Variants in PSD3 observed in about 807,000 individuals in gnomAD.
The protein encoded by PSD3 is PH and SEC7 domain-containing protein 3.
PSD3 carries 49 observed loss-of-function variants against 105.5 expected under a neutral mutation model. That is an observed-to-expected ratio of 0.46 (90% CI 0.37 to 0.59). The LOEUF (loss-of-function observed/expected upper bound fraction) is 0.59. Among genes scored for constraint, PSD3 ranks in the 20% least tolerant of loss-of-function variants. The pLI is 0.00. For missense variants in PSD3, 1,561 were observed against 1,263.8 expected (o/e 1.24, Z -3.57); for synonymous variants, 557 against 457.8 (o/e 1.22, Z -2.77).
chr8:18,778,495 G>A (rs1808302946), intron 8 of PSD3, among the ~76,000 whole-genome samples: 1 of 152,042 alleles, frequency 6.6e-6, no homozygotes, highest in Admixed American at 6.5e-5. Flanking sequence ...GTACTATATT[G>A]AATATGAGTG....
rs538361754 is a variant in PSD3 at position 18,642,226 on chromosome 8, G to A, written c.2217-9420C>T. On this transcript the variant is annotated intron_variant, in intron 10 of 15. Coordinates refer to ENST00000327040, the MANE Select transcript of PSD3 (RefSeq NM_015310.4). ...GTTTCTGAAAATACACTGGGGTCAAGCCACATGTTAGGTATTCCCAAAAGA... is the reference window on the plus strand; with the variant it reads ...GTTTCTGAAAATACACTGGGGTCAAACCACATGTTAGGTATTCCCAAAAGA... 2.0e-5 allele frequency among the ~76,000 whole-genome samples: 3 copies of A among 152,220 alleles called. No individual in the cohort carries two copies. The South Asian group carries it at 6.2e-4, about 32-fold the overall frequency.
At chr8:18,771,232 T>C (rs1440062984) in intron 8 of PSD3, among the ~76,000 whole-genome samples, 1 of 152,144 alleles carries the variant, frequency 6.6e-6, no homozygotes. Flanking sequence ...GGGATGTAAG[T>C]TCTCACTTTG....
At chr8:19,003,572 A>C (rs562383744) in intron 1 of PSD3, among the ~76,000 whole-genome samples, 1 of 152,074 alleles carries the variant, frequency 6.6e-6, no homozygotes, top group Non-Finnish European at 1.5e-5. Flanking sequence ...GATCTGTGTG[A>C]CTATGGGAGG....
intron 9 of PSD3, among the ~76,000 whole-genome samples, chr8:18,750,693 T>C (rs913435511): frequency 2.0e-5 from 3 of 152,016 alleles, no homozygotes; most frequent in Non-Finnish European, 2.9e-5. Context: ...GGGCGCTGAG[T>C]GGTGCGTTTA....
At position 18,634,199 on chromosome 8, in the gene PSD3, T is replaced by A. The variant is rs566423920; in HGVS notation, c.2217-1393A>T. ...TAACAGTTTGCAAATAACCACAATATATTTTAAATATATCACAAAACCAGA... is the reference window on the plus strand; with the variant it reads ...TAACAGTTTGCAAATAACCACAATAAATTTTAAATATATCACAAAACCAGA... On this transcript the variant is annotated intron_variant, in intron 10 of 15. Transcript: ENST00000327040. 2.4e-4 allele frequency among the ~76,000 whole-genome samples: 36 copies of A among 152,230 alleles called. No homozygotes were observed. The East Asian group carries it at 5.6e-3, about 24-fold the overall frequency.
intron 9 of PSD3, among the ~76,000 whole-genome samples, chr8:18,739,388 G>C (rs1001419261): frequency 6.6e-6 from 1 of 152,132 alleles, no homozygotes; most frequent in Non-Finnish European, 1.5e-5. Flanking sequence ...AGAAACAAGA[G>C]GCCGGGCAAA....
intron 4 of PSD3, among the ~76,000 whole-genome samples, chr8:18,820,576 T>A (rs1299799440): frequency 1.3e-5 from 2 of 152,226 alleles, no homozygotes; most frequent in Non-Finnish European, 2.9e-5. Context: ...TGTTAATAGT[T>A]GTTATACTTT....
chr8:18,690,142 G>A (rs545520463), intron 9 of PSD3, among the ~76,000 whole-genome samples: 3 of 152,204 alleles, frequency 2.0e-5, no homozygotes, highest in African/African-American at 7.2e-5. Flanking sequence ...TGAAATAGAG[G>A]CCAGCTACTC....
At chr8:18,571,874 G>T (rs1802162537) in intron 14 of PSD3, among the ~76,000 whole-genome samples, 1 of 145,858 alleles carries the variant, frequency 6.9e-6, no homozygotes, top group African/African-American at 2.6e-5. Context: ...CTACAGACAG[G>T]TTTAAAATGA....
intron 9 of PSD3, among the ~76,000 whole-genome samples, chr8:18,743,985 A>ACCACCACCG (rs1804787723): frequency 7.0e-6 from 1 of 143,342 alleles, no homozygotes; most frequent in East Asian, 2.3e-4. Flanking sequence ...CACCACCACC[A>ACCACCACCG]CCACCACCAC....
intron 3 of PSD3, among the ~76,000 whole-genome samples, chr8:18,870,126 C>T (rs1270617611): frequency 6.6e-6 from 1 of 152,052 alleles, no homozygotes; most frequent in Admixed American, 6.6e-5. Flanking sequence ...TGCCAGTGAT[C>T]CCAAAGGAGC....
At chr8:18,764,141 A>G (rs910145412) in intron 9 of PSD3, among the ~76,000 whole-genome samples, 2 of 152,152 alleles carry the variant, frequency 1.3e-5, no homozygotes, top group African/African-American at 4.8e-5. Context: ...AAATTCTAAA[A>G]GCTTCACTAT....
chr8:18,745,156 T>C (rs1465221821), intron 9 of PSD3, among the ~76,000 whole-genome samples: 1 of 152,208 alleles, frequency 6.6e-6, no homozygotes, highest in Non-Finnish European at 1.5e-5. Context: ...AAAGTTAGTA[T>C]TTTCCCCTCA....
rs759289825 is a variant in PSD3, at chr8:18,632,631, C to G, written c.2392G>C (p.Asp798His). 1 of 1,611,936 alleles carries G rather than the reference C, an allele frequency of 6.2e-7. No individual in the cohort carries two copies. The highest frequency in any genetic ancestry group is 1.1e-5 in the South Asian group (1 of 90,800). Residue 798 changes from aspartate (D) to histidine (H), a missense_variant, in exon 11 of 16, where the codon GAT (aspartate) becomes CAT (histidine). Asp to His is a moderately conservative substitution (Grantham distance 81). Transcript: ENST00000327040. ...SGFLARKIHA[D>H]MDGKKTPRGK... is the part of the protein sequence containing the mutation. ...TACTTACTCTTCTTTCCATCCATAT[C>G]TGCATGAATTTTCCGAGCCAAGAAT... is the stretch of plus-strand genomic sequence containing the variant.
At chr8:18,799,255 C>T (rs371372511) in intron 8 of PSD3, 40 bp downstream of exon 8, 27 of 1,523,618 alleles carry the variant, frequency 1.8e-5, no homozygotes, top group African/African-American at 8.2e-5. Flanking sequence ...GAGATAAGCC[C>T]GACATGTTTT....
chr8:18,905,617 C>T (rs1021615433), intron 2 of PSD3, among the ~76,000 whole-genome samples: 2 of 152,148 alleles, frequency 1.3e-5, no homozygotes, highest in African/African-American at 4.8e-5. Flanking sequence ...CCACCACACC[C>T]GGCCTCTTCT....
At chr8:18,667,025 G>A (rs1799507777) in intron 9 of PSD3, among the ~76,000 whole-genome samples, 2 of 152,110 alleles carry the variant, frequency 1.3e-5, no homozygotes, top group Admixed American at 6.5e-5. Context: ...TTTCCTTCTT[G>A]TGGGTTCGTG....
chr8:19,014,695 G>C (rs1056626847), upstream of PSD3, among the ~76,000 whole-genome samples: 60 of 152,350 alleles, frequency 3.9e-4, no homozygotes, highest in African/African-American at 1.4e-3. The surrounding 1 kb of genome is among the most constrained non-coding windows in gnomAD (Gnocchi z 4.9). Flanking sequence ...CCAATAACGA[G>C]AAGTGACTGA....
intron 10 of PSD3, among the ~76,000 whole-genome samples, chr8:18,639,395 G>T (rs1269849581): frequency 6.6e-6 from 1 of 152,042 alleles, no homozygotes; most frequent in Non-Finnish European, 1.5e-5. Flanking sequence ...GAGCTTCCTA[G>T]TCCACCATTG....
Sources: gnomAD v4.1 joint callset for allele counts (sites outside exome capture counted in the v4.1 genomes callset) on GRCh38, gnomAD v4.1.1 for gene constraint, Gnocchi (gnomAD v3.1) non-coding constraint, MANE v1.5 for transcripts, NCBI Gene and HGNC (gene_info 2026-07-23, HGNC 2026-07-21) for gene names.